SLC24A2: variants seen among roughly 807,000 people sequenced by gnomAD.
SLC24A2 encodes solute carrier family 24 member 2.
SLC24A2 carries 36 observed loss-of-function variants against 62.0 expected under a neutral mutation model. That is an observed-to-expected ratio of 0.58 (90% CI 0.44 to 0.77). The LOEUF is 0.77. Ranked by LOEUF, SLC24A2 falls within the 30% of genes least tolerant of loss-of-function variation. The pLI, the probability that SLC24A2 is intolerant of heterozygous loss-of-function variation, is 0.00. For missense variants in SLC24A2, 846 were observed against 817.9 expected (o/e 1.03, Z -0.42); for synonymous variants, 358 against 294.0 (o/e 1.22, Z -2.23).
At chr9:19,896,038 T>A in the SLC24A2 span, 2 of 1,360,390 alleles carry the variant, frequency 1.5e-6, no homozygotes, top group South Asian at 2.7e-5. Context: ...GCAGGTCCCC[T>A]TGCCTCTGGG....
At chr9:20,305,246 T>C in the SLC24A2 span, among the ~76,000 whole-genome samples, 1 of 151,956 alleles carries the variant, frequency 6.6e-6, no homozygotes, top group Non-Finnish European at 1.5e-5. Context: ...TAGCTGGGAT[T>C]ACAGGTGTGT....
At chr9:19,875,147 G>T in the SLC24A2 span, among the ~76,000 whole-genome samples, 1 of 152,106 alleles carries the variant, frequency 6.6e-6, no homozygotes, top group Non-Finnish European at 1.5e-5. Flanking sequence ...AATCATAAAT[G>T]GATACCTTTG....
the SLC24A2 span, among the ~76,000 whole-genome samples, chr9:20,105,454 C>T: frequency 2.6e-5 from 4 of 151,698 alleles, no homozygotes; most frequent in South Asian, 8.4e-4. Context: ...GGAAGTAAAG[C>T]TCTCCTCAGC....
At chr9:19,845,339 T>A in the SLC24A2 span, among the ~76,000 whole-genome samples, 2 of 152,180 alleles carry the variant, frequency 1.3e-5, no homozygotes, top group African/African-American at 2.4e-5. Flanking sequence ...TGTGTGGAAA[T>A]GCTACTGATT....
At chr9:19,966,291 TTAA>T in the SLC24A2 span, among the ~76,000 whole-genome samples, 5 of 152,178 alleles carry the variant, frequency 3.3e-5, no homozygotes, top group African/African-American at 1.2e-4. Context: ...GCATGAATAA[TTAA>T]TAATAGAGTT....
At chr9:19,640,856 C>A (rs1045221981) in intron 2 of SLC24A2, among the ~76,000 whole-genome samples, 2 of 152,122 alleles carry the variant, frequency 1.3e-5, no homozygotes, top group Non-Finnish European at 2.9e-5. Context: ...TTTGGGTACC[C>A]CCTTAAATTT....
intron 2 of SLC24A2, among the ~76,000 whole-genome samples, chr9:19,773,154 G>A (rs1464498466): frequency 1.3e-5 from 2 of 152,170 alleles, no homozygotes; most frequent in Non-Finnish European, 2.9e-5. Flanking sequence ...CTGGGGGCTG[G>A]GCAGAGGGAG....
At chr9:19,869,573 G>C in the SLC24A2 span, among the ~76,000 whole-genome samples, 2 of 151,972 alleles carry the variant, frequency 1.3e-5, no homozygotes, top group Admixed American at 6.6e-5. Flanking sequence ...TAATTTCAAA[G>C]TTAATTTTTT....
intron 2 of SLC24A2, among the ~76,000 whole-genome samples, chr9:19,734,301 G>C (rs1179473602): frequency 6.6e-6 from 1 of 152,190 alleles, no homozygotes; most frequent in Non-Finnish European, 1.5e-5. Flanking sequence ...TTGTAGTATA[G>C]TTTGAAGTCA....
the SLC24A2 span, among the ~76,000 whole-genome samples, chr9:19,807,797 A>C: frequency 1.3e-5 from 2 of 152,294 alleles, no homozygotes; most frequent in East Asian, 3.9e-4. Context: ...AGTTTACACC[A>C]GTTCTAGCAC....
the SLC24A2 span, among the ~76,000 whole-genome samples, chr9:20,207,434 C>G: frequency 2.0e-5 from 3 of 150,904 alleles, no homozygotes; most frequent in Non-Finnish European, 4.4e-5. Flanking sequence ...TTCACTCACA[C>G]ACTCTATACA....
chr9:19,523,182 G>A (rs1217460977), intron 9 of SLC24A2, among the ~76,000 whole-genome samples: 3 of 152,180 alleles, frequency 2.0e-5, no homozygotes, highest in Non-Finnish European at 4.4e-5. Context: ...TGTATTTGGA[G>A]TTTGAATGCT....
chr9:20,188,272 T>A, the SLC24A2 span, among the ~76,000 whole-genome samples: 1 of 152,156 alleles, frequency 6.6e-6, no homozygotes, highest in East Asian at 1.9e-4. Flanking sequence ...GGAGTTCCCA[T>A]CTTGGGTGCC....
the SLC24A2 span, among the ~76,000 whole-genome samples, chr9:20,201,250 C>T: frequency 1.3e-5 from 2 of 152,366 alleles, no homozygotes; most frequent in Admixed American, 6.5e-5. Context: ...TTTAATCCCA[C>T]TGCATTTGTC....
At chr9:19,536,003 C>A (rs1411947205) in intron 8 of SLC24A2, among the ~76,000 whole-genome samples, 2 of 151,716 alleles carry the variant, frequency 1.3e-5, no homozygotes, top group Admixed American at 6.6e-5. Flanking sequence ...TATTTGTGTC[C>A]TCTCTTATTT....
intron 8 of SLC24A2, among the ~76,000 whole-genome samples, chr9:19,535,136 G>A (rs1485141023): frequency 2.0e-5 from 3 of 151,760 alleles, no homozygotes; most frequent in African/African-American, 7.3e-5. Flanking sequence ...TTTCATGTTT[G>A]CTGGCTGCAT....
chr9:20,281,529 G>A, the SLC24A2 span, among the ~76,000 whole-genome samples: 12 of 152,212 alleles, frequency 7.9e-5, no homozygotes, highest in South Asian at 2.3e-3. Flanking sequence ...TAATCACATA[G>A]GTTAACTTTG....
rs922769833 is a variant in SLC24A2 at position 19,771,737 on chromosome 9, C to G, written c.930+14200G>C. Among the ~76,000 whole-genome samples, 6 of 152,276 alleles carry G rather than the reference C, an allele frequency of 3.9e-5. No homozygotes were observed. The South Asian group carries it at 1.2e-3, about 32-fold the overall frequency. On this transcript the variant is annotated intron_variant, in intron 2 of 10. Coordinates refer to ENST00000341998, the MANE Select transcript of SLC24A2 (RefSeq NM_020344.4). The stretch of plus-strand genomic sequence containing the variant: ...CATGTGGTTAAGTTCTCTTTGCCCT[C>G]GGAATGTGCACATTAATCAGCTTTG...
chr9:19,768,497 C>T (rs564135174), intron 2 of SLC24A2, among the ~76,000 whole-genome samples: 24 of 152,158 alleles, frequency 1.6e-4, no homozygotes, highest in African/African-American at 5.8e-4. Context: ...CATGAAACCT[C>T]AAATGGTACT....
Sources: gnomAD v4.1 joint callset for allele counts (sites outside exome capture counted in the v4.1 genomes callset) on GRCh38, gnomAD v4.1.1 for gene constraint, MANE v1.5 for transcripts, NCBI Gene and HGNC (gene_info 2026-07-23, HGNC 2026-07-21) for gene names.